STX1A: variants seen among roughly 807,000 people sequenced by gnomAD.
STX1A encodes syntaxin 1A.
Under a neutral mutation model 37.8 loss-of-function variants are expected in STX1A, and 4 were observed. The ratio of observed to expected loss-of-function variants is 0.11; its 90% CI spans 0.05 to 0.24. The LOEUF (loss-of-function observed/expected upper bound fraction) is 0.24. Among genes scored for constraint, STX1A ranks in the 10% least tolerant of loss-of-function variants. The pLI, the probability that STX1A is intolerant of heterozygous loss-of-function variation, is 1.00. For missense variants in STX1A, 251 were observed against 399.9 expected (o/e 0.63, Z 3.18); for synonymous variants, 135 against 147.4 (o/e 0.92, Z 0.61).
chr7:73,700,965 G>C lies in STX1A; in HGVS notation c.679-125C>G, dbSNP rs1554615809. On this transcript the variant is annotated intron_variant, in intron 8 of 9. Transcript: ENST00000222812. This position sits in a 1 kb window ranked among gnomAD's most constrained non-coding sequence, Gnocchi z 4.4. ...AAAAAGGGGGCGTGAGGAGGTTAGG[G>C]TACAGCTTCTCACCTGGGCCAGGTA... 1 of 1,519,704 alleles carries C rather than the reference G, an allele frequency of 6.6e-7. No individual in the cohort carries two copies. The highest frequency in any genetic ancestry group is 2.0e-5 in the Admixed American group (1 of 50,122). The allele number at this position is 1,519,704 out of a possible 1,614,324, so 94.1% of individuals were successfully genotyped here.
chr7:73,713,355 T>G (rs782205517), intron 1 of STX1A, among the ~76,000 whole-genome samples: 2 of 152,176 alleles, frequency 1.3e-5, no homozygotes, highest in African/African-American at 4.8e-5. Context: ...GACACACTCT[T>G]GACCAAAATG....
At chr7:73,716,332 C>T (rs1041964197) in intron 1 of STX1A, among the ~76,000 whole-genome samples, 10 of 152,230 alleles carry the variant, frequency 6.6e-5, no homozygotes, top group Admixed American at 5.9e-4. Context: ...TGAACCTGCC[C>T]GGTGTTGCCA....
At chr7:73,713,539 G>A (rs1288481191) in intron 1 of STX1A, among the ~76,000 whole-genome samples, 3 of 152,184 alleles carry the variant, frequency 2.0e-5, no homozygotes, top group Non-Finnish European at 2.9e-5. Context: ...GACCAGCCAG[G>A]GCAACATAGC....
intron 1 of STX1A, among the ~76,000 whole-genome samples, chr7:73,710,268 T>C (rs1055093270): frequency 5.3e-5 from 8 of 152,276 alleles, no homozygotes; most frequent in Admixed American, 3.3e-4. Context: ...CAATTATTAC[T>C]GTCTGCCTCA....
At chr7:73,707,761 C>A (rs1798927411) in intron 3 of STX1A, among the ~76,000 whole-genome samples, 1 of 150,852 alleles carries the variant, frequency 6.6e-6, no homozygotes, top group East Asian at 2.0e-4. Context: ...TGGAGAAACC[C>A]CATCTTTACT....
intron 1 of STX1A, among the ~76,000 whole-genome samples, chr7:73,712,858 G>T (rs1446709479): frequency 1.3e-5 from 2 of 152,154 alleles, no homozygotes; most frequent in African/African-American, 4.8e-5. Flanking sequence ...CCCTGCCCAA[G>T]AGTTGTTCCA....
intron 1 of STX1A, among the ~76,000 whole-genome samples, chr7:73,710,850 G>A (rs1309414440): frequency 7.9e-5 from 12 of 152,220 alleles, no homozygotes; most frequent in African/African-American, 2.4e-4. Context: ...GAGAACTGAT[G>A]GGACTCATCA....
Position 73,710,761 on chromosome 7 carries a change from G to A in STX1A, c.31-1639C>T, listed in dbSNP as rs182582679. 7.9e-4 allele frequency among the ~76,000 whole-genome samples: 121 copies of A among 152,316 alleles called. No individual in the cohort carries two copies. In the East Asian group the frequency reaches 0.016, roughly 20 times the overall value. On this transcript the variant is annotated intron_variant, in intron 1 of 9. Transcript: ENST00000222812. ...TCATTTCTGAGTGCCTCACGGGAGTGGCCACTGACTAGCTCAGCACTGACC... is the reference window on the plus strand; with the variant it reads ...TCATTTCTGAGTGCCTCACGGGAGTAGCCACTGACTAGCTCAGCACTGACC...
chr7:73,709,144 T>C lies in STX1A; in HGVS notation c.31-22A>G, dbSNP rs1284652714. 1.9e-6 allele frequency: 3 copies of C among 1,609,164 alleles called. No individual in the cohort carries two copies. Among genetic ancestry groups the C allele is most frequent in the Non-Finnish European group, 2.5e-6 (3 of 1,179,532 alleles). On this transcript the variant is annotated intron_variant, in intron 1 of 9. Coordinates refer to ENST00000222812, the MANE Select transcript of STX1A (RefSeq NM_004603.4). The surrounding 1 kb of genome is among the most constrained non-coding windows in gnomAD (Gnocchi z 4.2). ...TGGCCTGTGCGGGGTTGTGCACACA[T>C]AAGTGGACGTATGTACAGGACCCAC...
At position 73,704,385 on chromosome 7, in the gene STX1A, G is replaced by A. The variant is rs782226371; in HGVS notation, c.322C>T (p.Arg108Cys). ...CGGATCCTCAGGTCAGCGGAGGAGC[G>A]GTTCAGGCCTTCCTCTTGCTCGATG... ...QSIEQEEGLN[R>C]SSADLRIRKT... is the part of the protein sequence containing the mutation. The change falls in exon 5 of 10, where the codon CGC (arginine) becomes TGC (cysteine). Residue 108 changes from arginine (R) to cysteine (C), a missense_variant. By Grantham distance (180) the Arg-to-Cys change is radical. Transcript: ENST00000222812. 2.5e-6 allele frequency: 4 copies of A among 1,614,160 alleles called. No homozygotes were observed. The highest frequency in any genetic ancestry group is 3.4e-6 in the Non-Finnish European group (4 of 1,180,026).
At chr7:73,703,728 G>C in intron 7 of STX1A, 27 bp downstream of exon 7, 1 of 1,608,760 alleles carries the variant, frequency 6.2e-7, no homozygotes, top group Non-Finnish European at 8.5e-7. Context: ...AGGGGGTCAT[G>C]GCAGGAGGGA....
intron 3 of STX1A, among the ~76,000 whole-genome samples, chr7:73,707,337 G>A (rs782712870): frequency 6.6e-6 from 1 of 152,210 alleles, no homozygotes; most frequent in Non-Finnish European, 1.5e-5. Flanking sequence ...TGGAGGGAGA[G>A]GGGTGACTTC....
rs1798782069 is a variant in STX1A, at chr7:73,704,150, A to G, written c.464T>C (p.Ile155Thr). 6.4e-7 allele frequency: 1 copy of G among 1,561,390 alleles called. No homozygotes were observed. The highest frequency in any genetic ancestry group is 1.4e-5 in the African/African-American group (1 of 73,684). The change falls in exon 6 of 10, where the codon ATC (isoleucine) becomes ACC (threonine). Residue 155 changes from isoleucine (I) to threonine (T), a missense_variant and splice_region_variant. This residue lies in a region of STX1A where 214 missense variants were observed against 367.6 expected (regional missense o/e 0.58). Transcript: ENST00000222812. ...CCCAGGCCCCACCCCCAGCTCACTGATCTCCAGCTGCCTCTGGATGCGGCC... is the reference window on the plus strand; with the variant it reads ...CCCAGGCCCCACCCCCAGCTCACTGGTCTCCAGCTGCCTCTGGATGCGGCC... Reference protein sequence around the residue: ...CKGRIQRQLEITGRTTTSEEL... With the variant: ...CKGRIQRQLETTGRTTTSEEL...
chr7:73,705,402 G>T lies in STX1A; in HGVS notation c.209-178C>A, dbSNP rs1798834061. On this transcript the variant is annotated intron_variant, in intron 3 of 9. Coordinates refer to ENST00000222812, the MANE Select transcript of STX1A (RefSeq NM_004603.4). This position sits in a 1 kb window ranked among gnomAD's most constrained non-coding sequence, Gnocchi z 5.2. The stretch of plus-strand genomic sequence containing the variant: ...CCTCCCCCAATTCTGGGCCAGGGCT[G>T]CACCAGCTGCAGCTTCACCCCCTCT... 1.0e-5 allele frequency: 6 copies of T among 598,174 alleles called. No homozygotes were observed. In the East Asian group the frequency reaches 1.7e-4, roughly 17 times the overall value. 37.1% of individuals were successfully genotyped at this position (598,174 alleles called of 1,614,324 possible).
In STX1A at chr7:73,709,832, G is replaced by T. The variant is rs782268934; in HGVS notation, c.31-710C>A. ...CTGGGCACCACTAAACCCCAGTCCC[G>T]AGGTGGCACGGATCAGATCTCTTAG... On this transcript the variant is annotated intron_variant, in intron 1 of 9. Transcript: ENST00000222812. This position sits in a 1 kb window ranked among gnomAD's most constrained non-coding sequence, Gnocchi z 4.2. Among the ~76,000 whole-genome samples, 1 of 152,204 alleles carries T rather than the reference G, an allele frequency of 6.6e-6. No homozygotes were observed. The highest frequency in any genetic ancestry group is 6.5e-5 in the Admixed American group (1 of 15,284).
rs1190797822 is a variant in STX1A, at chr7:73,705,815, G to A, written c.209-591C>T. On this transcript the variant is annotated intron_variant, in intron 3 of 9. Coordinates refer to ENST00000222812, the MANE Select transcript of STX1A (RefSeq NM_004603.4). The surrounding 1 kb of genome is among the most constrained non-coding windows in gnomAD (Gnocchi z 5.2). ...GGATGGCCTGGGTGGGCGCTGATGT[G>A]GGCCCTCAGGTCCAAAGAGGTGGGC... The A allele has an allele frequency of 6.5e-5, 10 of 154,532 alleles. No individual in the cohort carries two copies. Among genetic ancestry groups the A allele is most frequent in the African/African-American group, 2.4e-4 (10 of 41,568 alleles). The allele number at this position is 154,532 out of a possible 1,614,324, so 9.6% of individuals were successfully genotyped here.
chr7:73,710,993 CTGAT>C (rs573720407), intron 1 of STX1A, among the ~76,000 whole-genome samples: 48 of 151,632 alleles, frequency 3.2e-4, no homozygotes, highest in Middle Eastern at 3.4e-3. Context: ...GATGGATGGA[CTGAT>C]TGATTGATTG....
At position 73,705,469 on chromosome 7, in the gene STX1A, G is replaced by A. The variant is rs1004715506; in HGVS notation, c.209-245C>T. The A allele has an allele frequency of 1.1e-4, 54 of 504,148 alleles. No homozygotes were observed. The Admixed American group carries it at 1.7e-3, about 16-fold the overall frequency. The allele number at this position is 504,148 out of a possible 1,614,324, so 31.2% of individuals were successfully genotyped here. A position where few individuals can be genotyped will look rare whatever the true frequency, so the allele number is the denominator to read the frequency against. ...GAGCCTCCCTTCCTCCTTTGCTGGC[G>A]CCCCCACCCCCTGGAGATAACAGAT... On this transcript the variant is annotated intron_variant, in intron 3 of 9. Transcript: ENST00000222812. The surrounding 1 kb of genome is among the most constrained non-coding windows in gnomAD (Gnocchi z 5.2).
intron 3 of STX1A, 125 bp downstream of exon 3, chr7:73,708,463 GC>G (rs1798966266): frequency 1.1e-6 from 1 of 887,190 alleles, no homozygotes; most frequent in Admixed American, 2.3e-5. Context: ...CCCGACCCTG[GC>G]CCGCCCAGAC....
Sources: allele counts gnomAD v4.1 joint callset (sites outside exome capture counted in the v4.1 genomes callset), GRCh38; gene constraint gnomAD v4.1.1; regional missense constraint gnomAD v4.1.1; non-coding constraint Gnocchi (gnomAD v3.1); transcripts MANE v1.5; gene names NCBI Gene and HGNC (gene_info 2026-07-23, HGNC 2026-07-21).